The following DOCK9 variants were observed in gnomAD, a reference collection of about 807,000 sequenced individuals.
The protein encoded by DOCK9 is dedicator of cytokinesis 9, also known as dedicator of cytokinesis protein 9.
DOCK9 carries 89 observed loss-of-function variants against 263.3 expected under a neutral mutation model. The ratio of observed to expected loss-of-function variants is 0.34; its 90% CI spans 0.28 to 0.40. DOCK9 has a LOEUF of 0.40. Among genes scored for constraint, DOCK9 ranks in the 10% least tolerant of loss-of-function variants. DOCK9 has a pLI of 1.00. For missense variants in DOCK9, 2,140 were observed against 2,603.4 expected (o/e 0.82, Z 3.87); for synonymous variants, 976 against 973.1 (o/e 1.00, Z -0.06).
Position 98,794,085 on chromosome 13 carries a change from T to C in DOCK9, c.*541A>G, listed in dbSNP as rs1051705457. The C allele has an allele frequency of 6.5e-6, 1 of 152,714 alleles. No individual in the cohort carries two copies. The highest frequency in any genetic ancestry group is 1.5e-5 in the Non-Finnish European group (1 of 68,120). The allele number at this position is 152,714 out of a possible 1,614,324, so 9.5% of individuals were successfully genotyped here. Reference sequence around the variant, plus strand: ...ATTTTCTTAAATGCAAGGAAATGAATATAAAAGCACTAAATCTCCTGGTTC... The same window carrying C: ...ATTTTCTTAAATGCAAGGAAATGAACATAAAAGCACTAAATCTCCTGGTTC... On this transcript the variant is annotated 3_prime_UTR_variant, in exon 53 of 53. Coordinates refer to ENST00000682017, the MANE Select transcript of DOCK9 (RefSeq NM_001366683.2).
chr13:99,070,398 T>G (rs947350515), intron 1 of DOCK9, among the ~76,000 whole-genome samples: 4 of 152,344 alleles, frequency 2.6e-5, no homozygotes, highest in South Asian at 2.1e-4. Flanking sequence ...CCTTCCAATA[T>G]TTTTCTTAAA....
chr13:99,035,539 C>T (rs2142089685), intron 1 of DOCK9, among the ~76,000 whole-genome samples: 1 of 152,276 alleles, frequency 6.6e-6, no homozygotes, highest in Non-Finnish European at 1.5e-5. Flanking sequence ...GTACACCATT[C>T]CCATACCATC....
Position 98,915,651 on chromosome 13 carries a change from C to A in DOCK9, c.718-148G>T, listed in dbSNP as rs917961671. 8.9e-6 allele frequency: 6 copies of A among 670,592 alleles called. No individual in the cohort carries two copies. In the South Asian group the frequency reaches 1.1e-4, roughly 13 times the overall value. The allele number at this position is 670,592 out of a possible 1,614,324, so 41.5% of individuals were successfully genotyped here. ...CTTGCCCCCTCCTCATGAAAGCCCC[C>A]CCCCATGAAATCCCATTACCGTCCA... On this transcript the variant is annotated intron_variant, in intron 7 of 52. Transcript: ENST00000682017.
chr13:99,008,194 CTCTCTCTCTCTCTCTCTCTATA>C (rs1364601660), intron 1 of DOCK9, among the ~76,000 whole-genome samples: 6 of 69,134 alleles, frequency 8.7e-5, no homozygotes, highest in Non-Finnish European at 1.7e-4. Context: ...GCCTCTCTCT[CTCTCTCTCTCTCTCTCTCTATA>C]TATATATATA....
intron 15 of DOCK9, among the ~76,000 whole-genome samples, chr13:98,893,161 C>A (rs1394022956): frequency 1.3e-5 from 2 of 152,194 alleles, no homozygotes; most frequent in African/African-American, 4.8e-5. Context: ...AGCAGCCCTA[C>A]TTGGCTTGAG....
At chr13:99,057,002 A>T (rs1450647582) in intron 1 of DOCK9, among the ~76,000 whole-genome samples, 1 of 152,216 alleles carries the variant, frequency 6.6e-6, no homozygotes, top group African/African-American at 2.4e-5. Flanking sequence ...CTTGCCAAGT[A>T]GCTGGTCTCT....
At chr13:98,902,024 T>C (rs2139456674) in intron 12 of DOCK9, 124 bp from the exon 13 acceptor site, 5 of 1,227,712 alleles carry the variant, frequency 4.1e-6, no homozygotes, top group Non-Finnish European at 5.6e-6. Flanking sequence ...AGTGCCAAAC[T>C]AGTTAGCTGA....
At chr13:98,887,319 A>G (rs2045916455) in intron 18 of DOCK9, among the ~76,000 whole-genome samples, 1 of 151,242 alleles carries the variant, frequency 6.6e-6, no homozygotes, top group Non-Finnish European at 1.5e-5. Flanking sequence ...CCCTCACCTA[A>G]AACATATGGA....
intron 1 of DOCK9, 43 bp from the exon 2 acceptor site, chr13:98,955,594 G>A (rs1034831072): frequency 1.9e-5 from 25 of 1,342,096 alleles, no homozygotes; most frequent in African/African-American, 5.8e-5. Context: ...ATACACAAAT[G>A]CCATTTCTTA....
At chr13:98,974,748 C>CAAAAAA (rs57196019) in intron 1 of DOCK9, among the ~76,000 whole-genome samples, 9 of 33,196 alleles carry the variant, frequency 2.7e-4, no homozygotes, top group East Asian at 1.2e-3. Flanking sequence ...AACTCTGTCT[C>CAAAAAA]AAAAAAAAAA....
intron 1 of DOCK9, among the ~76,000 whole-genome samples, chr13:99,055,197 T>C (rs977386247): frequency 2.6e-5 from 4 of 152,196 alleles, no homozygotes; most frequent in Admixed American, 1.3e-4. Flanking sequence ...ATCCTTGACT[T>C]TTCATATAAG....
Position 99,057,894 on chromosome 13 carries a change from A to T in DOCK9, c.129+28329T>A, listed in dbSNP as rs139873404. Among the ~76,000 whole-genome samples, 619 of 152,326 alleles carry T rather than the reference A, an allele frequency of 4.1e-3. 3 individuals carry two copies. The highest frequency in any genetic ancestry group is 6.8e-3 in the South Asian group (33 of 4,828). On this transcript the variant is annotated intron_variant, in intron 1 of 32. Transcript: ENST00000427887. ...TTTCTTATACTGATAATACACTGTA[A>T]TAATACACTGTAATTCTGTTATGTT...
intron 9 of DOCK9, among the ~76,000 whole-genome samples, chr13:98,911,804 A>G (rs1016590211): frequency 6.6e-6 from 1 of 151,994 alleles, no homozygotes; most frequent in Non-Finnish European, 1.5e-5. Context: ...TTTTATATAA[A>G]AAATAATGTC....
At chr13:98,874,680 T>G (rs1272635953) in intron 27 of DOCK9, among the ~76,000 whole-genome samples, 1 of 152,184 alleles carries the variant, frequency 6.6e-6, no homozygotes. Flanking sequence ...GCTAAACAAA[T>G]AAATAAATCA....
At chr13:98,975,350 A>C (rs1470712914) in intron 1 of DOCK9, among the ~76,000 whole-genome samples, 1 of 151,380 alleles carries the variant, frequency 6.6e-6, no homozygotes, top group Non-Finnish European at 1.5e-5. Flanking sequence ...TGACAGAGTA[A>C]GACTTTGTCT....
chr13:98,808,258 T>C (rs2090944041), intron 47 of DOCK9, among the ~76,000 whole-genome samples: 1 of 152,162 alleles, frequency 6.6e-6, no homozygotes, highest in African/African-American at 2.4e-5. Flanking sequence ...GGAGTAAGTT[T>C]AGTAAAAGTT....
intron 1 of DOCK9, among the ~76,000 whole-genome samples, chr13:98,969,398 G>A (rs985161684): frequency 2.6e-5 from 4 of 151,584 alleles, no homozygotes; most frequent in African/African-American, 7.3e-5. Context: ...AGGCCCTTTC[G>A]CAACCTTTTT....
intron 1 of DOCK9, among the ~76,000 whole-genome samples, chr13:99,023,614 T>C (rs1055242082): frequency 7.9e-5 from 12 of 152,212 alleles, no homozygotes; most frequent in Admixed American, 5.2e-4. Flanking sequence ...CACTTAAAAA[T>C]AGTTAAGGTG....
At chr13:98,915,536 T>C (rs748066674) in intron 7 of DOCK9, 33 bp from the exon 8 acceptor site, 1 of 1,579,032 alleles carries the variant, frequency 6.3e-7, no homozygotes, top group South Asian at 1.2e-5. Context: ...AGACATACTT[T>C]AAAAGAATTA....
Sources: allele counts gnomAD v4.1 joint callset (sites outside exome capture counted in the v4.1 genomes callset), GRCh38; gene constraint gnomAD v4.1.1; transcripts MANE v1.5; gene names NCBI Gene and HGNC (gene_info 2026-07-23, HGNC 2026-07-21).